Variants in MED1 observed in about 807,000 individuals in gnomAD.
MED1 encodes the protein mediator complex subunit 1.
Under a neutral mutation model 121.3 loss-of-function variants are expected in MED1, and 17 were observed. That is an observed-to-expected ratio of 0.14 (90% CI 0.10 to 0.21). MED1 has a LOEUF of 0.21. Among genes scored for constraint, MED1 ranks in the 10% least tolerant of loss-of-function variants. The probability of loss-of-function intolerance (pLI) is 1.00; values close to 1 mark genes in which losing one functional copy is unlikely to be tolerated. For missense variants in MED1, 1,558 were observed against 1,919.4 expected, an observed-to-expected ratio of 0.81 and a Z score of 3.52; for synonymous variants, 661 against 694.4, an observed-to-expected ratio of 0.95 and a Z score of 0.76.
chr17:39,420,531 TATA>T (rs905714239), intron 13 of MED1, among the ~76,000 whole-genome samples: 2 of 152,132 alleles, frequency 1.3e-5, no homozygotes, highest in African/African-American at 4.8e-5. Context: ...AAAACACCTA[TATA>T]ATAATAATGC....
chr17:39,440,334 A>AATAC lies in MED1; in HGVS notation c.399+51_399+52insGTAT, dbSNP rs1407435256. On this transcript the variant is annotated intron_variant, in intron 5 of 16. Coordinates refer to ENST00000300651, the MANE Select transcript of MED1 (RefSeq NM_004774.4). The surrounding 1 kb of genome is among the most constrained non-coding windows in gnomAD (Gnocchi z 4.1). ...AACCCCAACAATTAATTTTAAAATT[A>AATAC]ATGTCCCTAAGTAAACCCCACAGAT... 2 of 1,496,548 alleles carry AATAC rather than the reference A, an allele frequency of 1.3e-6. No homozygotes were observed. The highest frequency in any genetic ancestry group is 2.9e-5 in the African/African-American group (2 of 70,166). 92.7% of individuals were successfully genotyped at this position (1,496,548 alleles called of 1,614,324 possible). A position where few individuals can be genotyped will look rare whatever the true frequency, so the allele number is the denominator to read the frequency against.
chr17:39,411,084 G>A (rs2048351273), intron 16 of MED1, among the ~76,000 whole-genome samples: 1 of 152,210 alleles, frequency 6.6e-6, no homozygotes, highest in Admixed American at 6.5e-5. Context: ...ACTTTGGGAG[G>A]CCAAGGCGGC....
chr17:39,406,732 T>A lies in MED1; in HGVS notation c.*743A>T, dbSNP rs1054335032. On this transcript the variant is annotated 3_prime_UTR_variant, in exon 17 of 17. Coordinates refer to ENST00000300651, the MANE Select transcript of MED1 (RefSeq NM_004774.4). ...TAAAGGCGGGCTCTGACTAATTTGC[T>A]TGGGCTTGATGCTACAGTATTAGCA... 2 of 985,426 alleles carry A rather than the reference T, an allele frequency of 2.0e-6. No individual in the cohort carries two copies. The highest frequency in any genetic ancestry group is 3.5e-5 in the African/African-American group (2 of 57,240). 61.0% of individuals were successfully genotyped at this position (985,426 alleles called of 1,614,324 possible). A position where few individuals can be genotyped will look rare whatever the true frequency, so the allele number is the denominator to read the frequency against.
chr17:39,427,820 T>A, intron 9 of MED1, 30 bp from the exon 10 acceptor site: 5 of 1,322,878 alleles, frequency 3.8e-6, no homozygotes, highest in Non-Finnish European at 5.3e-6. Flanking sequence ...TAACTGTATC[T>A]TTATCAGGTA....
chr17:39,447,118 C>T (rs759485128), intron 2 of MED1, among the ~76,000 whole-genome samples: 14 of 152,040 alleles, frequency 9.2e-5, no homozygotes, highest in Non-Finnish European at 1.6e-4. Flanking sequence ...CGGCTGGACG[C>T]GGTGGCTCAC....
chr17:39,445,347 G>C (rs1040151952), intron 2 of MED1: 20 of 151,964 alleles, frequency 1.3e-4, no homozygotes, highest in Admixed American at 9.9e-4. Context: ...CGAGTAGCTG[G>C]GACTACAGGC....
intron 3 of MED1, among the ~76,000 whole-genome samples, chr17:39,441,596 C>T (rs960325879): frequency 6.6e-6 from 1 of 152,010 alleles, no homozygotes; most frequent in East Asian, 1.9e-4. Context: ...GTGGTGAAAC[C>T]CTGTCTCTAA....
At chr17:39,447,677 G>A (rs1222196058) in intron 2 of MED1, 121 bp downstream of exon 2, 8 of 642,568 alleles carry the variant, frequency 1.2e-5, no homozygotes, top group Non-Finnish European at 2.1e-5. Context: ...TCCTAAAGTT[G>A]AAACCACCAT....
chr17:39,429,653 G>A (rs530760483), intron 9 of MED1, among the ~76,000 whole-genome samples: 4 of 129,158 alleles, frequency 3.1e-5, no homozygotes, highest in South Asian at 2.5e-4. Context: ...CCAAGATCGC[G>A]CCACTGCACT....
Position 39,409,454 on chromosome 17 carries a change from T to G in MED1, c.2767A>C (p.Asn923His), listed in dbSNP as rs770130667. The G allele has an allele frequency of 1.2e-6, 2 of 1,614,158 alleles. No individual in the cohort carries two copies. Among genetic ancestry groups the G allele is most frequent in the Admixed American group, 1.7e-5 (1 of 60,018 alleles). The change falls in exon 17 of 17, where the codon AAT becomes CAT. Residue 923 changes from asparagine (N) to histidine (H), a missense_variant. By Grantham distance (68) the Asn-to-His change is moderately conservative (BLOSUM62 1). This residue lies in a region of MED1 where 793 missense variants were observed against 898.2 expected (regional missense o/e 0.88). Transcript: ENST00000300651. ...AAATCAACTGTGTCGGCTTGGTTAT[T>G]GCCCTTAAACTTGGTCTCCCCATTA... ...GDNGETKFKG[N>H]NQADTVDFSI...
chr17:39,405,958 C>A lies in MED1; in HGVS notation c.*1517G>T. 1 of 985,364 alleles carries A rather than the reference C, an allele frequency of 1.0e-6. No homozygotes were observed. Among genetic ancestry groups the A allele is most frequent in the Non-Finnish European group, 1.2e-6 (1 of 829,926 alleles). The allele number at this position is 985,364 out of a possible 1,614,324, so 61.0% of individuals were successfully genotyped here. On this transcript the variant is annotated 3_prime_UTR_variant, in exon 17 of 17. Coordinates refer to ENST00000300651, the MANE Select transcript of MED1 (RefSeq NM_004774.4). ...AGTTGTGCTGGGGACCATGCCCCAT[C>A]CCGCTGATACAGATCCTGAATGGAA...
intron 9 of MED1, among the ~76,000 whole-genome samples, chr17:39,429,058 G>A (rs374639319): frequency 3.3e-5 from 5 of 151,654 alleles, no homozygotes; most frequent in African/African-American, 1.2e-4. Context: ...ACTGGCTCAC[G>A]CTTATAATCC....
At chr17:39,411,190 G>A (rs754922145) in intron 16 of MED1, among the ~76,000 whole-genome samples, 6 of 152,002 alleles carry the variant, frequency 3.9e-5, no homozygotes, top group Non-Finnish European at 8.8e-5. Flanking sequence ...GTGGTGGCGC[G>A]TGCCTGTAAT....
In MED1 at chr17:39,410,180, A is replaced by G. The variant is rs771917337; in HGVS notation, c.2041T>C (p.Cys681Arg). ...SSSGSPRMEI[C>R]SGSNKTKKKK... is the part of the protein sequence containing the mutation. ...TTCTTGGTCTTGTTGCTCCCCGAGC[A>G]TATTTCCATGCGGGGTGAGCCGGAA... The change falls in exon 17 of 17, where the codon TGC becomes CGC. Residue 681 changes from cysteine to arginine, a missense_variant. Coordinates refer to ENST00000300651, the MANE Select transcript of MED1 (RefSeq NM_004774.4). 3 of 1,614,120 alleles carry G rather than the reference A, an allele frequency of 1.9e-6. No individual in the cohort carries two copies. Among genetic ancestry groups the G allele is most frequent in the Non-Finnish European group, 2.5e-6 (3 of 1,180,036 alleles).
chr17:39,443,483 G>T, intron 3 of MED1, 67 bp downstream of exon 3: 2 of 1,378,346 alleles, frequency 1.5e-6, no homozygotes, highest in Non-Finnish European at 2.1e-6. Context: ...TCTAGTTTAA[G>T]TATAAAATGG....
chr17:39,430,041 C>G (rs575902985), intron 9 of MED1, among the ~76,000 whole-genome samples: 1 of 152,164 alleles, frequency 6.6e-6, no homozygotes, highest in Non-Finnish European at 1.5e-5. Flanking sequence ...CATGATTGCA[C>G]GACTGCACTC....
chr17:39,441,031 T>TA, intron 3 of MED1, among the ~76,000 whole-genome samples: 1 of 152,026 alleles, frequency 6.6e-6, no homozygotes, highest in Non-Finnish European at 1.5e-5. Flanking sequence ...ACAACACCAT[T>TA]AATCACAACA....
rs1017221470 is a variant in MED1, at chr17:39,410,670, G to A, written c.1551C>T (p.Thr517=). 1 of 1,614,032 alleles carries A rather than the reference G, an allele frequency of 6.2e-7. No homozygotes were observed. The highest frequency in any genetic ancestry group is 8.5e-7 in the Non-Finnish European group (1 of 1,179,952). Residue 517 remains threonine (T), a synonymous_variant, in exon 17 of 17, where the codon ACC becomes ACT. Transcript: ENST00000300651. ...ACAGTGCTGGGGTGTCGGCTTGAAT[G>A]GTTTCAGCTTTCCTCCGAATAGCCC... ...TMRAIRRKAE[T]IQADTPALSL...
chr17:39,414,393 T>C (rs2048386145), intron 16 of MED1, among the ~76,000 whole-genome samples: 1 of 151,450 alleles, frequency 6.6e-6, no homozygotes, highest in South Asian at 2.1e-4. Context: ...TGGAGTACAG[T>C]GGCATGATCT....
Sources: gnomAD v4.1 joint callset for allele counts (sites outside exome capture counted in the v4.1 genomes callset) on GRCh38, gnomAD v4.1.1 for gene constraint, gnomAD v4.1.1 regional missense constraint, Gnocchi (gnomAD v3.1) non-coding constraint, MANE v1.5 for transcripts, NCBI Gene and HGNC (gene_info 2026-07-23, HGNC 2026-07-21) for gene names.